The following TMEM132C variants were observed in gnomAD, a reference collection of about 807,000 sequenced individuals.
The protein encoded by TMEM132C is protein phosphatase 1, regulatory subunit 152.
A neutral mutation model predicts 61.4 loss-of-function variants in TMEM132C; 29 were observed. That is an observed-to-expected ratio of 0.47 (90% confidence interval 0.35 to 0.64). The LOEUF is 0.64. TMEM132C is among the 30% of genes least tolerant of loss of function. The pLI is 0.00. For synonymous variants in TMEM132C, 656 were observed against 633.1 expected (o/e 1.04, Z -0.54); for missense variants, 1,408 against 1,476.9 (o/e 0.95, Z 0.76).
At chr12:128,332,832 A>G (rs182927077) in intron 1 of TMEM132C, among the ~76,000 whole-genome samples, 41 of 150,990 alleles carry the variant, frequency 2.7e-4, no homozygotes, top group African/African-American at 9.4e-4. Context: ...TTATTCTTCA[A>G]GGAGTTGCAG....
intron 5 of TMEM132C, among the ~76,000 whole-genome samples, chr12:128,684,880 A>G (rs553028913): frequency 6.6e-6 from 1 of 152,300 alleles, no homozygotes; most frequent in African/African-American, 2.4e-5. Flanking sequence ...ACCTCCTTAA[A>G]ATGTAAAACT....
intron 1 of TMEM132C, among the ~76,000 whole-genome samples, chr12:128,311,585 A>G (rs1156256066): frequency 4.6e-5 from 7 of 152,220 alleles, no homozygotes; most frequent in Admixed American, 1.3e-4. Flanking sequence ...AGATTTGCCC[A>G]GAGGTGCGCT....
chr12:128,451,450 C>T (rs1255252249), intron 2 of TMEM132C, among the ~76,000 whole-genome samples: 3 of 152,152 alleles, frequency 2.0e-5, no homozygotes, highest in Non-Finnish European at 4.4e-5. Flanking sequence ...TGAGTCTCCG[C>T]CTGCTACCCC....
At chr12:128,404,202 A>G (rs2136012743) in intron 1 of TMEM132C, among the ~76,000 whole-genome samples, 1 of 152,258 alleles carries the variant, frequency 6.6e-6, no homozygotes, top group Middle Eastern at 3.4e-3. Flanking sequence ...ATTTCAGGGG[A>G]TGTTATTTTT....
chr12:128,325,983 G>A (rs955103571), intron 1 of TMEM132C, among the ~76,000 whole-genome samples: 4 of 152,098 alleles, frequency 2.6e-5, no homozygotes, highest in Admixed American at 1.3e-4. Context: ...CGTTGCACAC[G>A]TGCGGAGGTT....
chr12:128,663,504 T>A (rs898017492), intron 4 of TMEM132C, among the ~76,000 whole-genome samples: 1 of 152,356 alleles, frequency 6.6e-6, no homozygotes, highest in African/African-American at 2.4e-5. Context: ...CCTTGGGGGA[T>A]ATTCGAGGTG....
At chr12:128,310,559 T>C (rs1275333695) in intron 1 of TMEM132C, among the ~76,000 whole-genome samples, 1 of 152,016 alleles carries the variant, frequency 6.6e-6, no homozygotes, top group East Asian at 1.9e-4. Context: ...TGCCACACGC[T>C]ATTACACCAC....
intron 3 of TMEM132C, among the ~76,000 whole-genome samples, chr12:128,557,915 C>T (rs555044492): frequency 7.2e-5 from 11 of 152,332 alleles, no homozygotes; most frequent in East Asian, 5.8e-4. Flanking sequence ...AGCAATATGG[C>T]GCCACAAATA....
intron 2 of TMEM132C, among the ~76,000 whole-genome samples, chr12:128,532,335 T>C (rs984578514): frequency 1.3e-5 from 2 of 151,906 alleles, no homozygotes; most frequent in African/African-American, 4.8e-5. Flanking sequence ...AACAATAACT[T>C]TTCTAAAGAA....
chr12:128,400,433 G>A (rs1379613894), intron 1 of TMEM132C, among the ~76,000 whole-genome samples: 1 of 152,110 alleles, frequency 6.6e-6, no homozygotes, highest in East Asian at 1.9e-4. Context: ...TAGGTCCTTG[G>A]CCCAGTTTGG....
chr12:128,563,743 A>G lies in TMEM132C; in HGVS notation c.1121+19640A>G, dbSNP rs141874875. On this transcript the variant is annotated intron_variant, in intron 3 of 8. Coordinates refer to ENST00000435159, the MANE Select transcript of TMEM132C (RefSeq NM_001136103.3). ...TGTTATGGGGATGACAAGTAATGTA[A>G]AAATGTGACAAGCTTAGAACTGTGC... Among the ~76,000 whole-genome samples the G allele has an allele frequency of 2.8e-3, 426 of 152,336 alleles. 2 individuals are homozygous for G. The highest frequency in any genetic ancestry group is 0.01 in the African/African-American group (417 of 41,574).
intron 3 of TMEM132C, among the ~76,000 whole-genome samples, chr12:128,596,003 G>A (rs1051703984): frequency 6.6e-6 from 1 of 152,216 alleles, no homozygotes; most frequent in Admixed American, 6.5e-5. Flanking sequence ...ACTCTATCAG[G>A]GCCAGCCGCC....
Position 128,697,270 on chromosome 12 carries a change from C to A in TMEM132C, c.1976C>A (p.Thr659Asn), listed in dbSNP as rs1286986418. Residue 659 changes from threonine to asparagine, a missense_variant, in exon 8 of 9, where the codon ACC (threonine) becomes AAC (asparagine). Transcript: ENST00000435159. Reference sequence around the variant, plus strand: ...TCCATCCTGGCAGAGAAGACAATAACCGTGCTAGATGACAAAGTATCGGTG... The same window carrying A: ...TCCATCCTGGCAGAGAAGACAATAAACGTGCTAGATGACAAAGTATCGGTG... ...SDSILAEKTI[T>N]VLDDKVSVTD... 2 of 1,543,368 alleles carry A rather than the reference C, an allele frequency of 1.3e-6. No homozygotes were observed. Among genetic ancestry groups the A allele is most frequent in the African/African-American group, 1.4e-5 (1 of 73,064 alleles).
chr12:128,611,220 A>T (rs565088954), intron 3 of TMEM132C, among the ~76,000 whole-genome samples: 1 of 152,086 alleles, frequency 6.6e-6, no homozygotes, highest in Non-Finnish European at 1.5e-5. Flanking sequence ...GAAGCCCACA[A>T]CGTGATTCCT....
At chr12:128,698,965 A>C (rs771892144) in intron 8 of TMEM132C, among the ~76,000 whole-genome samples, 2 of 152,192 alleles carry the variant, frequency 1.3e-5, no homozygotes. Flanking sequence ...AACAGAGAGC[A>C]GTGATGGTTA....
chr12:128,704,649 C>G (rs1472088216), intron 8 of TMEM132C, among the ~76,000 whole-genome samples: 1 of 152,182 alleles, frequency 6.6e-6, no homozygotes, highest in African/African-American at 2.4e-5. Flanking sequence ...CCTTTGTCAT[C>G]AGGCTGGATA....
intron 2 of TMEM132C, among the ~76,000 whole-genome samples, chr12:128,447,074 TCAGCTCTCAGGGCCGTGGAAA>T (rs1870005483): frequency 6.6e-6 from 1 of 152,118 alleles, no homozygotes; most frequent in Non-Finnish European, 1.5e-5. Flanking sequence ...AGGAGTGGAA[TCAGCTCTCAGGGCCGTGGAAA>T]CAGCTCTCAG....
At chr12:128,527,359 G>C (rs1873121349) in intron 2 of TMEM132C, among the ~76,000 whole-genome samples, 2 of 152,118 alleles carry the variant, frequency 1.3e-5, no homozygotes, top group Non-Finnish European at 2.9e-5. Flanking sequence ...ATACTTGCTG[G>C]GGAAAGCAAC....
At chr12:128,277,029 C>A (rs181834949) in intron 1 of TMEM132C, among the ~76,000 whole-genome samples, 1 of 152,108 alleles carries the variant, frequency 6.6e-6, no homozygotes. Flanking sequence ...ACAAGGTATT[C>A]CTGAAAATGT....
Sources: gnomAD v4.1 joint callset for allele counts (sites outside exome capture counted in the v4.1 genomes callset) on GRCh38, gnomAD v4.1.1 for gene constraint, MANE v1.5 for transcripts, NCBI Gene and HGNC (gene_info 2026-07-23, HGNC 2026-07-21) for gene names.